ANKFN1: variants seen among roughly 807,000 people sequenced by gnomAD.
The protein encoded by ANKFN1 is ankyrin repeat and fibronectin type-III domain-containing protein 1.
ANKFN1 carries 74 observed loss-of-function variants against 108.7 expected under a neutral mutation model. The ratio of observed to expected loss-of-function variants is 0.68; its 90% CI spans 0.56 to 0.83. The LOEUF is 0.83. ANKFN1 is among the 40% of genes least tolerant of loss of function. The pLI, the probability that ANKFN1 is intolerant of heterozygous loss-of-function variation, is 0.00. For synonymous variants in ANKFN1, 547 were observed against 516.2 expected (o/e 1.06, Z -0.81); for missense variants, 1,505 against 1,382.3 (o/e 1.09, Z -1.41).
chr17:56,167,991 G>T (rs1172416964), intron 1 of ANKFN1, among the ~76,000 whole-genome samples: 2 of 152,162 alleles, frequency 1.3e-5, no homozygotes, highest in African/African-American at 4.8e-5. Context: ...GAATAGGCAG[G>T]CGTGGTGGCT....
At chr17:56,498,526 G>A (rs2051272871) in intron 19 of ANKFN1, among the ~76,000 whole-genome samples, 1 of 152,120 alleles carries the variant, frequency 6.6e-6, no homozygotes, top group South Asian at 2.1e-4. Flanking sequence ...GCAACCCTGG[G>A]AGGTATAAAT....
At chr17:56,200,222 A>C (rs1309902446) in intron 1 of ANKFN1, among the ~76,000 whole-genome samples, 7 of 152,240 alleles carry the variant, frequency 4.6e-5, no homozygotes, top group African/African-American at 1.4e-4. Flanking sequence ...AAGTACAGCC[A>C]GTTTTTAAAA....
chr17:56,415,344 T>G (rs1243802941), intron 8 of ANKFN1, among the ~76,000 whole-genome samples: 1 of 152,172 alleles, frequency 6.6e-6, no homozygotes, highest in Non-Finnish European at 1.5e-5. Context: ...AAAACAACTG[T>G]TAGAACTGAT....
chr17:56,368,825 A>G (rs1315518903), intron 6 of ANKFN1, among the ~76,000 whole-genome samples: 2 of 152,164 alleles, frequency 1.3e-5, no homozygotes, highest in African/African-American at 4.8e-5. Context: ...CAGTTTCATA[A>G]AAAGTGGAGA....
At chr17:56,157,219 A>G (rs561873760) in intron 1 of ANKFN1, among the ~76,000 whole-genome samples, 3 of 152,320 alleles carry the variant, frequency 2.0e-5, no homozygotes, top group South Asian at 2.1e-4. Context: ...GTACCTGGGT[A>G]GAGAAGAAGG....
At position 56,372,664 on chromosome 17, in the gene ANKFN1, G is replaced by A. The variant is rs554736337; in HGVS notation, c.620G>A (p.Arg207Gln). 1.1e-5 allele frequency: 17 copies of A among 1,612,274 alleles called. No homozygotes were observed. Among genetic ancestry groups the A allele is most frequent in the Admixed American group, 6.7e-5 (4 of 59,556 alleles). The change falls in exon 7 of 21, where the codon CGA (arginine) becomes CAA (glutamine). Residue 207 changes from arginine to glutamine, a missense_variant. Physicochemically the swap from Arg to Gln is conservative, Grantham distance 43. Coordinates refer to ENST00000682825, the MANE Select transcript of ANKFN1 (RefSeq NM_001370326.1). ...ESPHFVSLES[R>Q]AMHLNTLVQE... ...CCTTTAGTTGTCAGCCTGGAAAGCC[G>A]AGCAATGCACCTCAACACACTGGTC...
intron 3 of ANKFN1, among the ~76,000 whole-genome samples, chr17:56,234,860 A>G (rs187831284): frequency 3.9e-5 from 6 of 152,222 alleles, no homozygotes; most frequent in African/African-American, 1.4e-4. Flanking sequence ...TCCTCTGGGT[A>G]TGTACCCAGT....
intron 1 of ANKFN1, among the ~76,000 whole-genome samples, chr17:56,189,035 G>A (rs959957290): frequency 6.6e-6 from 1 of 151,894 alleles, no homozygotes. Context: ...TGGGAGGGTG[G>A]TGCATCTCGA....
chr17:56,183,668 G>A (rs1911899006), intron 1 of ANKFN1, among the ~76,000 whole-genome samples: 1 of 152,118 alleles, frequency 6.6e-6, no homozygotes, highest in African/African-American at 2.4e-5. Context: ...AGCAGATGCT[G>A]GTGCCATGCT....
intron 6 of ANKFN1, among the ~76,000 whole-genome samples, chr17:56,355,058 A>C (rs1245399444): frequency 1.3e-5 from 2 of 152,122 alleles, no homozygotes; most frequent in African/African-American, 4.8e-5. Flanking sequence ...AATGGTTAAC[A>C]GTTAGGTATT....
chr17:56,357,746 C>T (rs2046411712), intron 6 of ANKFN1, among the ~76,000 whole-genome samples: 1 of 152,098 alleles, frequency 6.6e-6, no homozygotes, highest in Non-Finnish European at 1.5e-5. Flanking sequence ...AAGCAAACAC[C>T]TGCCGTAAAC....
intron 3 of ANKFN1, among the ~76,000 whole-genome samples, chr17:56,310,112 C>T (rs575832712): frequency 3.0e-4 from 45 of 147,846 alleles, no homozygotes; most frequent in African/African-American, 1.1e-3. Context: ...CACATGGATA[C>T]GCTGGACAAA....
chr17:56,343,910 T>C (rs1372673375), intron 4 of ANKFN1, among the ~76,000 whole-genome samples: 3 of 152,168 alleles, frequency 2.0e-5, no homozygotes, highest in African/African-American at 7.2e-5. Context: ...ATTTAGTTCT[T>C]GATTTTCTTC....
intron 4 of ANKFN1, among the ~76,000 whole-genome samples, chr17:56,139,972 G>T (rs1907821508): frequency 6.6e-6 from 1 of 152,172 alleles, no homozygotes; most frequent in South Asian, 2.1e-4. Context: ...CCTTGGAGCA[G>T]CTGTATTACT....
At chr17:56,308,674 C>T (rs1408139819) in intron 3 of ANKFN1, among the ~76,000 whole-genome samples, 1 of 152,030 alleles carries the variant, frequency 6.6e-6, no homozygotes, top group African/African-American at 2.4e-5. Flanking sequence ...TGTCTTTTAC[C>T]ATTTACTGTT....
At chr17:56,149,435 C>T (rs1908461985), upstream of ANKFN1, among the ~76,000 whole-genome samples, 1 of 151,906 alleles carries the variant, frequency 6.6e-6, no homozygotes, top group African/African-American at 2.4e-5. Context: ...GAAATGGCAC[C>T]AACGGCAAGT....
Position 56,222,717 on chromosome 17 carries a change from G to C in ANKFN1, c.13-5200G>C, listed in dbSNP as rs148232202. Among the ~76,000 whole-genome samples, 363 of 152,294 alleles carry C rather than the reference G, an allele frequency of 2.4e-3. 6 individuals carry two copies. In the South Asian group the frequency reaches 0.033, roughly 14 times the overall value. On this transcript the variant is annotated intron_variant, in intron 2 of 20. Coordinates refer to ENST00000682825, the MANE Select transcript of ANKFN1 (RefSeq NM_001370326.1). ...AAAAACTTGAAGAAATGGAAGTTAT[G>C]CATGCTAAGTGAAAAATACACATAG...
At chr17:56,458,874 CAA>C (rs200548312) in intron 14 of ANKFN1, among the ~76,000 whole-genome samples, 1 of 151,642 alleles carries the variant, frequency 6.6e-6, no homozygotes, top group Non-Finnish European at 1.5e-5. Context: ...GTCACAATAA[CAA>C]AAAAAAATTT....
At chr17:56,111,806 A>G (rs1360864728) in intron 4 of ANKFN1, among the ~76,000 whole-genome samples, 1 of 152,210 alleles carries the variant, frequency 6.6e-6, no homozygotes, top group African/African-American at 2.4e-5. Flanking sequence ...GAGGATGGCA[A>G]AATACTGGTG....
Sources: allele counts gnomAD v4.1 joint callset (sites outside exome capture counted in the v4.1 genomes callset), GRCh38; gene constraint gnomAD v4.1.1; transcripts MANE v1.5; gene names NCBI Gene and HGNC (gene_info 2026-07-23, HGNC 2026-07-21).